OVCH1: variants seen among roughly 807,000 people sequenced by gnomAD.
The protein encoded by OVCH1 is ovochymase 1, also known as ovochymase-1.
In OVCH1, 139 loss-of-function variants were observed where a neutral mutation model predicts 138.4. That is an observed-to-expected ratio of 1.00 (90% CI 0.87 to 1.16). OVCH1 has a LOEUF of 1.16. OVCH1 is among the 50% of genes most tolerant of loss of function. OVCH1 has a pLI of 0.00. For synonymous variants in OVCH1, 453 were observed against 467.8 expected, an observed-to-expected ratio of 0.97 and a Z score of 0.41; for missense variants, 1,367 against 1,357.9, an observed-to-expected ratio of 1.01 and a Z score of -0.11.
chr12:29,403,426 T>C, the OVCH1 span, among the ~76,000 whole-genome samples: 1 of 152,342 alleles, frequency 6.6e-6, no homozygotes, highest in South Asian at 2.1e-4. Flanking sequence ...TTTGGAATGC[T>C]GCATTCTTAG....
chr12:29,452,536 T>C (rs1228727388), intron 21 of OVCH1, among the ~76,000 whole-genome samples: 1 of 152,166 alleles, frequency 6.6e-6, no homozygotes, highest in Non-Finnish European at 1.5e-5. Flanking sequence ...TGCCCTACCA[T>C]CTGGGAATGG....
intron 26 of OVCH1, among the ~76,000 whole-genome samples, chr12:29,436,617 A>G (rs969386818): frequency 1.8e-4 from 28 of 152,160 alleles, no homozygotes; most frequent in African/African-American, 6.8e-4. Flanking sequence ...TGGCGTGTCT[A>G]GAGTTTGTTC....
chr12:29,427,691 G>A, intron 27 of OVCH1: 7 of 1,540,930 alleles, frequency 4.5e-6, no homozygotes, highest in South Asian at 1.2e-5. Flanking sequence ...CTCAGTCTAT[G>A]GTATTTGTTA....
chr12:29,489,798 C>T lies in OVCH1; in HGVS notation c.551-27G>A, dbSNP rs560751245. 5 of 1,596,220 alleles carry T rather than the reference C, an allele frequency of 3.1e-6. No homozygotes were observed. The African/African-American group carries it at 6.7e-5, about 21-fold the overall frequency. The stretch of plus-strand genomic sequence containing the variant: ...TGTAGAGAGAGGACAGATAAGTTAG[C>T]ACACAATATCCTCATGGAAACAAAT... On this transcript the variant is annotated intron_variant, in intron 5 of 27. Coordinates refer to ENST00000318184, the Ensembl canonical transcript of OVCH1.
At chr12:29,485,310 C>T (rs1943058170) in intron 8 of OVCH1, among the ~76,000 whole-genome samples, 1 of 124,906 alleles carries the variant, frequency 8.0e-6, no homozygotes, top group African/African-American at 3.2e-5. Flanking sequence ...GAACAAGACC[C>T]AGTCTTTAAA....
At chr12:29,406,469 C>T in the OVCH1 span, among the ~76,000 whole-genome samples, 5 of 152,076 alleles carry the variant, frequency 3.3e-5, no homozygotes, top group South Asian at 2.1e-4. Flanking sequence ...TCCAACCCCA[C>T]AACAGTCCCC....
chr12:29,487,791 C>A, exon 7 of OVCH1: 1 of 1,606,390 alleles, frequency 6.2e-7, no homozygotes, highest in Non-Finnish European at 8.5e-7. Flanking sequence ...GGGAACTGAA[C>A]CTCCAGCACA....
chr12:29,461,938 A>T (rs1339768877), exon 19 of OVCH1: 1 of 1,613,756 alleles, frequency 6.2e-7, no homozygotes, highest in African/African-American at 1.3e-5. Context: ...CAGAATAGTA[A>T]GTGTGTTCAC....
chr12:29,414,481 C>A (rs1941006224), intron 3 of OVCH1, among the ~76,000 whole-genome samples: 2 of 152,104 alleles, frequency 1.3e-5, no homozygotes, highest in African/African-American at 4.8e-5. Flanking sequence ...GCAAGCATTC[C>A]AGAAAATAAA....
chr12:29,451,628 G>C (rs1378339966), intron 21 of OVCH1, 59 bp from the exon 22 acceptor site: 7 of 1,348,520 alleles, frequency 5.2e-6, no homozygotes, highest in African/African-American at 1.5e-5. Flanking sequence ...AGAAAAACCA[G>C]ATTCTATCAC....
rs548486400 is a variant in OVCH1 at position 29,477,426 on chromosome 12, C to G, written c.1161G>C (p.Glu387Asp). 4.5e-5 allele frequency: 73 copies of G among 1,613,976 alleles called. No homozygotes were observed. In the South Asian group the frequency reaches 7.7e-4, roughly 17 times the overall value. The change falls in exon 11 of 28, where the codon GAG (glutamate) becomes GAC (aspartate). Residue 387 changes from glutamate (E) to aspartate (D), a missense_variant. Coordinates refer to ENST00000318184, the Ensembl canonical transcript of OVCH1. ...TATCAGAAACAAATGGAACCATGGC[C>G]TCACTGGTCTCTGCCAGCAATGGTG...
chr12:29,451,175 A>C (rs1206016456), intron 22 of OVCH1, among the ~76,000 whole-genome samples, 170 bp downstream of exon 22: 1 of 151,854 alleles, frequency 6.6e-6, no homozygotes, highest in African/African-American at 2.4e-5. Context: ...TCATAATAAT[A>C]ATAATAATAA....
At chr12:29,491,494 T>C (rs375985262) in intron 4 of OVCH1, among the ~76,000 whole-genome samples, 2 of 152,284 alleles carry the variant, frequency 1.3e-5, no homozygotes, top group East Asian at 1.9e-4. Context: ...CACTTGACAG[T>C]TATTGAACAC....
At chr12:29,465,325 G>T in intron 16 of OVCH1, 106 bp from the exon 17 acceptor site, 2 of 929,756 alleles carry the variant, frequency 2.2e-6, no homozygotes, top group Non-Finnish European at 1.6e-6. Flanking sequence ...TTCTGAAGAC[G>T]TTCTGAGGAA....
At chr12:29,496,079 T>A in intron 3 of OVCH1, 102 bp downstream of exon 3, 5 of 1,089,416 alleles carry the variant, frequency 4.6e-6, no homozygotes, top group East Asian at 2.6e-5. Flanking sequence ...GAGGCAAAAG[T>A]AAGAAAGGGA....
chr12:29,423,502 G>T (rs1357444245), downstream of OVCH1, among the ~76,000 whole-genome samples: 1 of 152,088 alleles, frequency 6.6e-6, no homozygotes, highest in Non-Finnish European at 1.5e-5. Context: ...AAGATCAAAG[G>T]GAAAGACCTG....
Position 29,445,808 on chromosome 12 carries a change from G to GT in OVCH1, c.2756-406dup, listed in dbSNP as rs1373813827. ...AAAATTTATTATTTCCCTATAGTCAGTTTTTTATTGATTGCTTTGAGAACC... is the reference window on the plus strand; with the variant it reads ...AAAATTTATTATTTCCCTATAGTCAGTTTTTTTATTGATTGCTTTGAGAACC... On this transcript the variant is annotated intron_variant, in intron 22 of 27. Coordinates refer to ENST00000318184, the Ensembl canonical transcript of OVCH1. 3.3e-5 allele frequency among the ~76,000 whole-genome samples: 5 copies of GT among 152,116 alleles called. No homozygotes were observed. The East Asian group carries it at 9.7e-4, about 29-fold the overall frequency.
chr12:29,465,333 G>T, intron 16 of OVCH1, 114 bp from the exon 17 acceptor site: 1 of 877,104 alleles, frequency 1.1e-6, no homozygotes, highest in Non-Finnish European at 1.7e-6. Context: ...ACGTTCTGAG[G>T]AAAAGAGGTT....
chr12:29,413,868 A>G (rs1024762669), intron 3 of OVCH1, among the ~76,000 whole-genome samples: 3 of 109,714 alleles, frequency 2.7e-5, no homozygotes, highest in South Asian at 5.7e-4. Context: ...TCACCTGCCT[A>G]TGCACATCCA....
Sources: gnomAD v4.1 joint callset for allele counts (sites outside exome capture counted in the v4.1 genomes callset) on GRCh38, gnomAD v4.1.1 for gene constraint, MANE v1.5 for transcripts, NCBI Gene and HGNC (gene_info 2026-07-23, HGNC 2026-07-21) for gene names.